ATP8B1: variants seen among roughly 807,000 people sequenced by gnomAD.
ATP8B1 encodes the protein phospholipid-transporting ATPase IC.
ATP8B1 carries 80 observed loss-of-function variants against 149.9 expected under a neutral mutation model. The observed-to-expected ratio is 0.53, with a 90% CI of 0.45 to 0.64. The LOEUF is 0.64. ATP8B1 is among the 30% of genes least tolerant of loss of function. The pLI is 0.00. For synonymous variants in ATP8B1, 536 were observed against 562.8 expected, an observed-to-expected ratio of 0.95 and a Z score of 0.67; for missense variants, 1,247 against 1,552.6, an observed-to-expected ratio of 0.80 and a Z score of 3.31.
At chr18:57,767,264 T>C (rs915888382) in intron 1 of ATP8B1, among the ~76,000 whole-genome samples, 6 of 152,122 alleles carry the variant, frequency 3.9e-5, no homozygotes, top group African/African-American at 1.4e-4. Context: ...AAGGGGGCAG[T>C]TGTACATGCC....
At chr18:57,775,670 G>GT (rs1481820820) in intron 1 of ATP8B1, among the ~76,000 whole-genome samples, 3 of 138,580 alleles carry the variant, frequency 2.2e-5, no homozygotes, top group African/African-American at 8.1e-5. Flanking sequence ...TTGAAATGGA[G>GT]TTTCGCTCTT....
chr18:57,668,536 A>C lies in ATP8B1; in HGVS notation c.2102T>G (p.Leu701Arg). ...YEEIEKDLIL[L>R]GATAIEDKLQ... ...CTTGTCTTCAATAGCTGTAGCTCCC[A>C]GGAGCTAGAATGTATATTAAAAAAA... The change falls in exon 19 of 28, where the codon CTG (leucine) becomes CGG (arginine). Residue 701 changes from leucine to arginine, a missense_variant. Coordinates refer to ENST00000648908, the MANE Select transcript of ATP8B1 (RefSeq NM_001374385.1). The C allele has an allele frequency of 2.9e-6, 3 of 1,022,928 alleles. No homozygotes were observed. Among genetic ancestry groups the C allele is most frequent in the Non-Finnish European group, 4.6e-6 (3 of 656,022 alleles). The allele number at this position is 1,022,928 out of a possible 1,614,324, so 63.4% of individuals were successfully genotyped here.
chr18:57,670,790 C>T (rs1231964768), intron 17 of ATP8B1, among the ~76,000 whole-genome samples: 1 of 151,956 alleles, frequency 6.6e-6, no homozygotes, highest in Non-Finnish European at 1.5e-5. Flanking sequence ...CACTCTACCC[C>T]CTCCCTCTGG....
intron 1 of ATP8B1, among the ~76,000 whole-genome samples, chr18:57,762,387 C>T (rs2080166746): frequency 6.6e-6 from 1 of 151,938 alleles, no homozygotes; most frequent in South Asian, 2.1e-4. Context: ...GATCTGCCCG[C>T]GTCAGCCCCC....
intron 1 of ATP8B1, among the ~76,000 whole-genome samples, chr18:57,759,171 A>G (rs1196819405): frequency 1.4e-5 from 2 of 139,364 alleles, no homozygotes; most frequent in South Asian, 2.3e-4. Context: ...AAAAAAAAAA[A>G]AAAAAAAAAA....
chr18:57,670,374 T>C (rs1312170725), intron 17 of ATP8B1, among the ~76,000 whole-genome samples: 2 of 148,100 alleles, frequency 1.4e-5, no homozygotes, highest in East Asian at 3.9e-4. Context: ...TTTTTTGAGA[T>C]GAAGTCTCAC....
chr18:57,758,499 T>C (rs944108120), intron 1 of ATP8B1, among the ~76,000 whole-genome samples: 1 of 150,630 alleles, frequency 6.6e-6, no homozygotes, highest in African/African-American at 2.4e-5. Context: ...AAATACAAAA[T>C]TAGCCAGGCA....
At chr18:57,700,535 C>G (rs574074723) in intron 6 of ATP8B1, among the ~76,000 whole-genome samples, 1 of 152,148 alleles carries the variant, frequency 6.6e-6, no homozygotes, top group South Asian at 2.1e-4. Context: ...TGAATATTTC[C>G]TATGGAATTT....
chr18:57,774,150 G>A (rs536888621), intron 1 of ATP8B1, among the ~76,000 whole-genome samples: 14 of 152,192 alleles, frequency 9.2e-5, no homozygotes, highest in Non-Finnish European at 1.3e-4. Flanking sequence ...CTCTTCCCCC[G>A]TAGCCACAAG....
At chr18:57,663,403 T>C (rs1910625145) in intron 20 of ATP8B1, among the ~76,000 whole-genome samples, 1 of 152,218 alleles carries the variant, frequency 6.6e-6, no homozygotes, top group Non-Finnish European at 1.5e-5. Flanking sequence ...TGGGTGTGCA[T>C]GTATCTCTTT....
At position 57,671,499 on chromosome 18, in the gene ATP8B1, G is replaced by A; in HGVS notation, c.1901C>T (p.Pro634Leu). The change falls in exon 17 of 28, where the codon CCT becomes CTT. Residue 634 changes from proline to leucine, a missense_variant. Physicochemically the swap from Pro to Leu is moderately conservative, Grantham distance 98. Around this residue, in one of 3 missense-constraint regions of ATP8B1, gnomAD observed 853 missense variants for 1,035.7 expected, o/e 0.82. Transcript: ENST00000648908. ...GGCATCCTGTGTTTCTTGCTTAGTAGGATTCATTCGATGTAACCGTTCATA... is the reference window on the plus strand; with the variant it reads ...GGCATCCTGTGTTTCTTGCTTAGTAAGATTCATTCGATGTAACCGTTCATA... The part of the protein sequence containing the change: ...VIYERLHRMN[P>L]TKQETQDALD... The A allele has an allele frequency of 6.2e-7, 1 of 1,613,842 alleles. No individual in the cohort carries two copies.
intron 20 of ATP8B1, among the ~76,000 whole-genome samples, chr18:57,665,812 A>G (rs777084910): frequency 6.6e-6 from 1 of 152,062 alleles, no homozygotes; most frequent in East Asian, 1.9e-4. Flanking sequence ...CGGCCTCCCA[A>G]TGTGCTGGTA....
Position 57,648,356 on chromosome 18 carries a change from G to C in ATP8B1, c.*132C>G, listed in dbSNP as rs745786597. ...TTTAATAGTCCAACCCAAGGAGTTT[G>C]TTATAAAGATTATTTATTGTCTTCA... On this transcript the variant is annotated 3_prime_UTR_variant, in exon 28 of 28. Coordinates refer to ENST00000648908, the MANE Select transcript of ATP8B1 (RefSeq NM_001374385.1). The C allele has an allele frequency of 1.4e-4, 150 of 1,083,618 alleles. No homozygotes were observed. The highest frequency in any genetic ancestry group is 3.3e-4 in the Admixed American group (17 of 51,328). 67.1% of individuals were successfully genotyped at this position (1,083,618 alleles called of 1,614,324 possible). A position where few individuals can be genotyped will look rare whatever the true frequency, so the allele number is the denominator to read the frequency against.
In ATP8B1 at chr18:57,685,074, C is replaced by T; in HGVS notation, c.1471G>A (p.Glu491Lys). 6.2e-7 allele frequency: 1 copy of T among 1,614,176 alleles called. No individual in the cohort carries two copies. Among genetic ancestry groups the T allele is most frequent in the Non-Finnish European group, 8.5e-7 (1 of 1,180,002 alleles). The part of the protein sequence containing the change: ...DASQHNHNKI[E>K]QVDFSWNTYA... ...ATTCTTCGGCTTAAAGGTCTTACCT[C>T]TATTTTGTTGTGGTTGTGTTGAGAG... is the stretch of plus-strand genomic sequence containing the variant. The change falls in exon 14 of 28, where the codon GAG becomes AAG. Residue 491 changes from glutamate (E) to lysine (K), a missense_variant and splice_region_variant. Physicochemically the swap from Glu to Lys is moderately conservative, Grantham distance 56 (BLOSUM62 1). This residue lies in a region of ATP8B1 where 853 missense variants were observed against 1,035.7 expected (regional missense o/e 0.82). Coordinates refer to ENST00000648908, the MANE Select transcript of ATP8B1 (RefSeq NM_001374385.1).
chr18:57,714,752 C>G (rs1016484894), intron 2 of ATP8B1, among the ~76,000 whole-genome samples: 7 of 152,142 alleles, frequency 4.6e-5, no homozygotes, highest in Non-Finnish European at 8.8e-5. Flanking sequence ...GGGATGCCCC[C>G]TAATGCAGAT....
chr18:57,723,036 C>T (rs2079663787), intron 2 of ATP8B1, among the ~76,000 whole-genome samples: 1 of 151,022 alleles, frequency 6.6e-6, no homozygotes, highest in Admixed American at 6.6e-5. Flanking sequence ...AAGCCTTTGA[C>T]AAAATTCAAC....
chr18:57,712,811 A>G (rs759251005), intron 2 of ATP8B1, among the ~76,000 whole-genome samples: 5 of 151,888 alleles, frequency 3.3e-5, no homozygotes, highest in Non-Finnish European at 1.5e-5. Context: ...GCTCAGCCAC[A>G]GTAGGATAGG....
At chr18:57,712,077 T>C (rs1913717540) in intron 2 of ATP8B1, among the ~76,000 whole-genome samples, 1 of 147,672 alleles carries the variant, frequency 6.8e-6, no homozygotes, top group Non-Finnish European at 1.5e-5. Flanking sequence ...ATGGCGAATA[T>C]GGAGAGGAGC....
chr18:57,778,402 T>C (rs1329829124), intron 1 of ATP8B1, among the ~76,000 whole-genome samples: 1 of 148,588 alleles, frequency 6.7e-6, no homozygotes, highest in East Asian at 2.0e-4. Context: ...ATTTTTTGTA[T>C]TTTTTTTTTA....
Sources: gnomAD v4.1 joint callset for allele counts (sites outside exome capture counted in the v4.1 genomes callset) on GRCh38, gnomAD v4.1.1 for gene constraint, gnomAD v4.1.1 regional missense constraint, MANE v1.5 for transcripts, NCBI Gene and HGNC (gene_info 2026-07-23, HGNC 2026-07-21) for gene names.